Variants in G3BP2 observed in about 807,000 individuals in gnomAD.
G3BP2 encodes G3BP stress granule assembly factor 2.
G3BP2 carries 11 observed loss-of-function variants against 56.7 expected under a neutral mutation model. The ratio of observed to expected loss-of-function variants is 0.19; its 90% confidence interval spans 0.12 to 0.32. The LOEUF (loss-of-function observed/expected upper bound fraction) is 0.32. Among genes scored for constraint, G3BP2 ranks in the 10% least tolerant of loss-of-function variants. The pLI is 1.00. For synonymous variants in G3BP2, 165 were observed against 191.6 expected, an observed-to-expected ratio of 0.86 and a Z score of 1.15; for missense variants, 340 against 610.9, an observed-to-expected ratio of 0.56 and a Z score of 4.67.
chr4:75,724,142 G>C (rs1302071466), intron 1 of G3BP2: 2 of 152,336 alleles, frequency 1.3e-5, no homozygotes, highest in East Asian at 3.9e-4. Flanking sequence ...GGAATGAGGG[G>C]TGTCTAGTAA....
chr4:75,708,940 G>C (rs998012626), intron 3 of G3BP2, among the ~76,000 whole-genome samples: 1 of 152,048 alleles, frequency 6.6e-6, no homozygotes, highest in Non-Finnish European at 1.5e-5. Flanking sequence ...GTGAAACCCT[G>C]TCTATAAAAA....
Position 75,643,295 on chromosome 4 carries a change from T to TTTTATATATATATATA in G3BP2, c.*2134_*2135insTATATATATATATAAA, listed in dbSNP as rs1491199523. 1 of 99,942 alleles carries TTTTATATATATATATA rather than the reference T, an allele frequency of 1.0e-5. No individual in the cohort carries two copies. The highest frequency in any genetic ancestry group is 2.2e-5 in the Non-Finnish European group (1 of 46,322). 6.2% of individuals were successfully genotyped at this position (99,942 alleles called of 1,614,324 possible). A position where few individuals can be genotyped will look rare whatever the true frequency, so the allele number is the denominator to read the frequency against. ...GCAGGGCAATATCCTGAATTGGAAA[T>TTTTATATATATATATA]TATATATATATATATATATATGGAA... On this transcript the variant is annotated 3_prime_UTR_variant, in exon 12 of 12. Transcript: ENST00000359707.
intron 3 of G3BP2, among the ~76,000 whole-genome samples, chr4:75,694,209 G>A (rs762520959): frequency 1.3e-5 from 2 of 152,220 alleles, no homozygotes. Context: ...AGGTGTGGAA[G>A]GCCTCAAATA....
chr4:75,688,591 C>T (rs747657182), intron 3 of G3BP2, among the ~76,000 whole-genome samples: 1 of 152,172 alleles, frequency 6.6e-6, no homozygotes, highest in African/African-American at 2.4e-5. Context: ...AAACCTGCAT[C>T]CCCTGCCCCT....
chr4:75,720,866 T>A (rs1720143726), intron 3 of G3BP2, among the ~76,000 whole-genome samples: 1 of 149,054 alleles, frequency 6.7e-6, no homozygotes, highest in African/African-American at 2.5e-5. Flanking sequence ...CCTGGGGCAG[T>A]TGGCTCACAC....
At position 75,696,131 on chromosome 4, in the gene G3BP2, T is replaced by C. The variant is rs554328477; in HGVS notation, c.-25+24746A>G. Among the ~76,000 whole-genome samples, 4 of 151,666 alleles carry C rather than the reference T, an allele frequency of 2.6e-5. No homozygotes were observed. In the East Asian group the frequency reaches 7.8e-4, roughly 29 times the overall value. ...AGGACACATAAGACAAAGACCAAAA[T>C]AGACCAAAAGCAGGTAACCTTCAAA... On this transcript the variant is annotated intron_variant, in intron 3 of 3. Coordinates refer to the G3BP2 transcript ENST00000499709.
At chr4:75,648,998 C>A in intron 8 of G3BP2, 4 of 271,264 alleles carry the variant, frequency 1.5e-5, no homozygotes, top group South Asian at 1.2e-4. Context: ...CACATTTTTT[C>A]ATTAAAGTTA....
intron 2 of G3BP2, among the ~76,000 whole-genome samples, chr4:75,660,202 C>A (rs1030944841): frequency 6.6e-6 from 1 of 152,066 alleles, no homozygotes; most frequent in African/African-American, 2.4e-5. Flanking sequence ...AAACAAAAAA[C>A]CCTGTATCAT....
At position 75,645,584 on chromosome 4, in the gene G3BP2, C is replaced by T. The variant is rs766826220; in HGVS notation, c.1295G>A (p.Arg432Gln). 4 of 1,613,962 alleles carry T rather than the reference C, an allele frequency of 2.5e-6. No individual in the cohort carries two copies. The highest frequency in any genetic ancestry group is 2.2e-5 in the East Asian group (1 of 44,894). The change falls in exon 12 of 12, where the codon CGA becomes CAA. Residue 432 changes from arginine to glutamine, a missense_variant. Arg to Gln is a conservative substitution (Grantham distance 43, BLOSUM62 1). This residue lies in a region of G3BP2 where 94 missense variants were observed against 173.8 expected (regional missense o/e 0.54). Transcript: ENST00000359707. ...AATTCCACGTGGACCACCGGGACCTCGATCATTGCGCCTAATATCCCTGCG... is the reference window on the plus strand; with the variant it reads ...AATTCCACGTGGACCACCGGGACCTTGATCATTGCGCCTAATATCCCTGCG... ...DDRRDIRRND[R>Q]GPGGPRGIVG...
chr4:75,650,802 A>C, intron 8 of G3BP2, among the ~76,000 whole-genome samples: 1 of 152,070 alleles, frequency 6.6e-6, no homozygotes, highest in East Asian at 1.9e-4. Flanking sequence ...TCCTAGGCTC[A>C]AGTGATCCTC....
intron 3 of G3BP2, among the ~76,000 whole-genome samples, chr4:75,709,788 G>A (rs1469211004): frequency 6.6e-6 from 1 of 152,008 alleles, no homozygotes; most frequent in Non-Finnish European, 1.5e-5. Context: ...TTCCACCTCA[G>A]CCTCTGGAGT....
chr4:75,677,440 G>A (rs1399811748), upstream of G3BP2, among the ~76,000 whole-genome samples: 1 of 152,080 alleles, frequency 6.6e-6, no homozygotes, highest in Non-Finnish European at 1.5e-5. Context: ...GCATGGTGGT[G>A]CGCACCTGTA....
At chr4:75,708,675 A>G (rs909671024) in intron 3 of G3BP2, among the ~76,000 whole-genome samples, 10 of 152,210 alleles carry the variant, frequency 6.6e-5, no homozygotes, top group African/African-American at 2.2e-4. Context: ...TTCTCCATTA[A>G]GTTACAAAGT....
At chr4:75,673,565 C>A, upstream of G3BP2, 2 of 1,232,096 alleles carry the variant, frequency 1.6e-6, no homozygotes, top group Non-Finnish European at 2.0e-6. Context: ...AGTACGCTGC[C>A]GCGCTCGCAC....
intron 3 of G3BP2, among the ~76,000 whole-genome samples, chr4:75,720,612 C>T (rs1345295796): frequency 6.6e-6 from 1 of 151,412 alleles, no homozygotes; most frequent in African/African-American, 2.4e-5. Context: ...CTAACTAACA[C>T]GGTGAAAACC....
chr4:75,715,538 G>A (rs932996794), intron 3 of G3BP2, among the ~76,000 whole-genome samples: 1 of 152,154 alleles, frequency 6.6e-6, no homozygotes, highest in Non-Finnish European at 1.5e-5. Context: ...AGCTGGGGCA[G>A]GCAAGTGTTA....
intron 10 of G3BP2, 80 bp from the exon 11 acceptor site, chr4:75,646,536 T>C (rs1192299664): frequency 3.5e-6 from 3 of 861,230 alleles, no homozygotes; most frequent in South Asian, 2.8e-5. Flanking sequence ...AGGATGAATA[T>C]CGTTATCTCC....
At chr4:75,681,153 G>A (rs1031106046) in intron 3 of G3BP2, among the ~76,000 whole-genome samples, 10 of 150,230 alleles carry the variant, frequency 6.7e-5, no homozygotes, top group Admixed American at 3.3e-4. Flanking sequence ...GTGAAACCCC[G>A]TCTCTATTAA....
In G3BP2 at chr4:75,673,267, G is replaced by C. The variant is rs1733656378; in HGVS notation, c.-84C>G. ...GAGGTCAGAAGAGTCGCTGAGGACC[G>C]GGTGCGGCGGGTTCTTATTGCTCGC... is the stretch of plus-strand genomic sequence containing the variant. On this transcript the variant is annotated 5_prime_UTR_variant, in exon 1 of 12. Coordinates refer to ENST00000359707, the MANE Select transcript of G3BP2 (RefSeq NM_203505.3). 2.5e-6 allele frequency: 3 copies of C among 1,220,124 alleles called. No homozygotes were observed. Among genetic ancestry groups the C allele is most frequent in the Non-Finnish European group, 2.0e-6 (2 of 981,306 alleles). 75.6% of individuals were successfully genotyped at this position (1,220,124 alleles called of 1,614,324 possible).
Sources: gnomAD v4.1 joint callset for allele counts (sites outside exome capture counted in the v4.1 genomes callset) on GRCh38, gnomAD v4.1.1 for gene constraint, gnomAD v4.1.1 regional missense constraint, MANE v1.5 for transcripts, NCBI Gene and HGNC (gene_info 2026-07-23, HGNC 2026-07-21) for gene names.